VAV3: variants seen among roughly 807,000 people sequenced by gnomAD.
The protein encoded by VAV3 is guanine nucleotide exchange factor VAV3.
Under a neutral mutation model 131.2 loss-of-function variants are expected in VAV3, and 94 were observed. The ratio of observed to expected loss-of-function variants is 0.72; its 90% CI spans 0.61 to 0.85. VAV3 has a LOEUF of 0.85. Among genes scored for constraint, VAV3 ranks in the 40% least tolerant of loss-of-function variants. The pLI is 0.00. For synonymous variants in VAV3, 349 were observed against 342.0 expected (o/e 1.02, Z -0.22); for missense variants, 939 against 1,002.7 (o/e 0.94, Z 0.86).
chr1:107,715,017 A>G (rs1226871361), intron 15 of VAV3, among the ~76,000 whole-genome samples: 1 of 152,206 alleles, frequency 6.6e-6, no homozygotes, highest in African/African-American at 2.4e-5. Flanking sequence ...TAATAAATTT[A>G]AAGTGGAAAA....
At chr1:107,920,688 A>G (rs2101152403) in intron 1 of VAV3, among the ~76,000 whole-genome samples, 1 of 152,344 alleles carries the variant, frequency 6.6e-6, no homozygotes, top group South Asian at 2.1e-4. Flanking sequence ...AAAAAATTAA[A>G]GTGAGCTCAA....
intron 2 of VAV3, among the ~76,000 whole-genome samples, chr1:107,860,199 C>T (rs1669671520): frequency 6.6e-6 from 1 of 152,166 alleles, no homozygotes; most frequent in African/African-American, 2.4e-5. Context: ...CGACTCACTG[C>T]AGCCTCCACA....
chr1:107,582,921 T>C (rs1001404259), intron 25 of VAV3, among the ~76,000 whole-genome samples: 2 of 152,140 alleles, frequency 1.3e-5, no homozygotes, highest in African/African-American at 2.4e-5. Flanking sequence ...CCTTTGGGTA[T>C]ATACCCAGTA....
At chr1:107,930,023 A>T (rs983966061) in intron 1 of VAV3, among the ~76,000 whole-genome samples, 1 of 152,066 alleles carries the variant, frequency 6.6e-6, no homozygotes, top group Non-Finnish European at 1.5e-5. Flanking sequence ...GAATAGAAGG[A>T]TAGTTACCAG....
intron 1 of VAV3, among the ~76,000 whole-genome samples, chr1:107,918,706 T>TATATATATA (rs1491228523): frequency 4.3e-4 from 22 of 51,476 alleles, no homozygotes; most frequent in Non-Finnish European, 8.4e-4. Context: ...TATATATATA[T>TATATATATA]TTTTTTTTTT....
intron 1 of VAV3, among the ~76,000 whole-genome samples, chr1:107,962,243 T>A (rs773792776): frequency 6.6e-6 from 1 of 152,204 alleles, no homozygotes; most frequent in Non-Finnish European, 1.5e-5. Flanking sequence ...GGGGAATACA[T>A]TCTGCTGGGA....
chr1:107,842,956 T>C (rs927440183), intron 2 of VAV3, among the ~76,000 whole-genome samples: 1 of 152,014 alleles, frequency 6.6e-6, no homozygotes, highest in Non-Finnish European at 1.5e-5. Context: ...TGAGGAACTT[T>C]ATCTATGATG....
intron 19 of VAV3, among the ~76,000 whole-genome samples, chr1:107,643,978 T>A (rs1655541954): frequency 6.6e-6 from 1 of 152,060 alleles, no homozygotes; most frequent in Non-Finnish European, 1.5e-5. Context: ...TACATCCTCC[T>A]TTGCTTCTGT....
intron 2 of VAV3, among the ~76,000 whole-genome samples, chr1:107,867,416 C>T (rs1670045878): frequency 6.6e-6 from 1 of 152,066 alleles, no homozygotes; most frequent in Admixed American, 6.6e-5. Context: ...ATTAAATACC[C>T]CTACAAAAGG....
rs1051377644 is a variant in VAV3 at position 107,572,623 on chromosome 1, C to T, written c.*708G>A. ...TTGTGAAGGTTTAATATGAAGACAC[C>T]CTCTCTTTTGTGTGCTTTTTTCACC... is the stretch of plus-strand genomic sequence containing the variant. On this transcript the variant is annotated 3_prime_UTR_variant, in exon 27 of 27. Coordinates refer to ENST00000370056, the MANE Select transcript of VAV3 (RefSeq NM_006113.5). 1 of 152,480 alleles carries T rather than the reference C, an allele frequency of 6.6e-6. No homozygotes were observed. Among genetic ancestry groups the T allele is most frequent in the African/African-American group, 2.4e-5 (1 of 41,402 alleles). The allele number at this position is 152,480 out of a possible 1,614,324, so 9.4% of individuals were successfully genotyped here. A position where few individuals can be genotyped will look rare whatever the true frequency, so the allele number is the denominator to read the frequency against.
chr1:107,706,526 G>C (rs907102999), intron 15 of VAV3, among the ~76,000 whole-genome samples: 1 of 152,148 alleles, frequency 6.6e-6, no homozygotes, highest in Non-Finnish European at 1.5e-5. Context: ...GAGAATTATG[G>C]ACATTTCCAT....
Position 107,612,642 on chromosome 1 carries a change from A to C in VAV3, c.1981-2677T>G, listed in dbSNP as rs187645624. Reference sequence around the variant, plus strand: ...TTCCTGCTCCTTTGCATACTGAGTAATTTTATATTGTATCTTGGACAATTT... The same window carrying C: ...TTCCTGCTCCTTTGCATACTGAGTACTTTTATATTGTATCTTGGACAATTT... On this transcript the variant is annotated intron_variant, in intron 21 of 26. Transcript: ENST00000370056. Among the ~76,000 whole-genome samples, 323 of 152,128 alleles carry C rather than the reference A, an allele frequency of 2.1e-3. 3 individuals are homozygous for C. The highest frequency in any genetic ancestry group is 2.4e-3 in the Non-Finnish European group (164 of 67,982).
chr1:107,769,246 C>A (rs1328976942), intron 6 of VAV3, among the ~76,000 whole-genome samples: 2 of 152,204 alleles, frequency 1.3e-5, no homozygotes, highest in Non-Finnish European at 2.9e-5. Context: ...ACCTTCTCTT[C>A]TTCCATTGTG....
chr1:107,652,421 C>A (rs952882006), intron 19 of VAV3, among the ~76,000 whole-genome samples: 1 of 152,112 alleles, frequency 6.6e-6, no homozygotes, highest in Admixed American at 6.6e-5. Context: ...TTATTTTATT[C>A]CTTTACTTTC....
chr1:107,774,077 T>C (rs775050373), intron 4 of VAV3, among the ~76,000 whole-genome samples: 8 of 152,070 alleles, frequency 5.3e-5, no homozygotes, highest in Non-Finnish European at 1.0e-4. Flanking sequence ...GCTGTTGTTG[T>C]TGTTTGGGGG....
chr1:107,922,782 C>G (rs991123120), intron 1 of VAV3, among the ~76,000 whole-genome samples: 40 of 151,862 alleles, frequency 2.6e-4, no homozygotes, highest in African/African-American at 9.7e-4. Context: ...GAAACCCCGC[C>G]TCTACTAAAA....
intron 19 of VAV3, among the ~76,000 whole-genome samples, chr1:107,650,514 G>A (rs943782165): frequency 6.6e-6 from 1 of 151,180 alleles, no homozygotes; most frequent in Non-Finnish European, 1.5e-5. Flanking sequence ...GTATTAGGAG[G>A]TGGAGCCTTT....
chr1:107,711,097 A>G (rs1299599850), intron 15 of VAV3, among the ~76,000 whole-genome samples: 2 of 152,228 alleles, frequency 1.3e-5, no homozygotes, highest in Non-Finnish European at 2.9e-5. Context: ...AAGGATAAAT[A>G]TTGTAAAAAA....
At chr1:107,944,367 G>A (rs1327375160) in intron 1 of VAV3, among the ~76,000 whole-genome samples, 1 of 152,082 alleles carries the variant, frequency 6.6e-6, no homozygotes, top group Non-Finnish European at 1.5e-5. Context: ...AGACCCAGAA[G>A]AAACTAAGTT....
Sources: gnomAD v4.1 joint callset for allele counts (sites outside exome capture counted in the v4.1 genomes callset) on GRCh38, gnomAD v4.1.1 for gene constraint, MANE v1.5 for transcripts, NCBI Gene and HGNC (gene_info 2026-07-23, HGNC 2026-07-21) for gene names.